Variants in GNL3L observed in about 807,000 individuals in gnomAD.
The protein encoded by GNL3L is guanine nucleotide-binding protein-like 3-like protein.
Under a neutral mutation model 42.9 loss-of-function variants are expected in GNL3L, and 4 were observed. That is an observed-to-expected ratio of 0.09 (90% CI 0.05 to 0.21). The LOEUF (loss-of-function observed/expected upper bound fraction) is 0.21, where lower values mean the gene tolerates loss of function less well. Among genes scored for constraint, GNL3L ranks in the 10% least tolerant of loss-of-function variants. The pLI, the probability that GNL3L is intolerant of heterozygous loss-of-function variation, is 1.00. For missense variants in GNL3L, 412 were observed against 481.7 expected, an observed-to-expected ratio of 0.86 and a Z score of 1.36; for synonymous variants, 159 against 176.3, an observed-to-expected ratio of 0.90 and a Z score of 0.78.
chrX:54,548,140 C>G, intron 8 of GNL3L, 89 bp from the exon 9 acceptor site: 2 of 667,484 alleles, frequency 3.0e-6, no homozygotes, highest in Non-Finnish European at 4.7e-6. Flanking sequence ...GCTCAGTGAT[C>G]ATAGGGAGGC....
At position 54,607,064 on chromosome X, in the gene GNL3L, CTTTCTTTCTCTTTCTTTCTTCT is replaced by C. The variant is rs1569542611; in HGVS notation, c.*46-13778_*46-13757del. Among the ~76,000 whole-genome samples the C allele has an allele frequency of 8.3e-4, 35 of 42,086 alleles. 1 individual carries two copies. The highest frequency in any genetic ancestry group is 1.6e-3 in the African/African-American group (13 of 7,903). 36.5% of individuals were successfully genotyped at this position (42,086 alleles called of 115,157 possible). A position where few individuals can be genotyped will look rare whatever the true frequency, so the allele number is the denominator to read the frequency against. On this transcript the variant is annotated intron_variant, in intron 16 of 16. Coordinates refer to the GNL3L transcript ENST00000674498. ...TCTTTCTTTCTTTCTTTCTTTCTTT[CTTTCTTTCTCTTTCTTTCTTCT>C]TTCTTTCTTTCTTTCTTTCTTTCTT... is the stretch of plus-strand genomic sequence containing the variant.
chrX:54,640,873 G>T, the GNL3L span, among the ~76,000 whole-genome samples: 19 of 111,767 alleles, frequency 1.7e-4, no homozygotes, highest in African/African-American at 4.9e-4. Context: ...GACCTTTGGG[G>T]CAAGGCAAAC....
chrX:54,541,450 G>C, intron 5 of GNL3L, 61 bp downstream of exon 5: 1 of 665,139 alleles, frequency 1.5e-6, no homozygotes, highest in Non-Finnish European at 2.4e-6. Flanking sequence ...CCGTTTTTCT[G>C]TGAAAGGGAA....
intron 9 of GNL3L, among the ~76,000 whole-genome samples, chrX:54,550,606 C>G (rs1364023560): frequency 9.0e-6 from 1 of 111,627 alleles, no homozygotes; most frequent in Middle Eastern, 4.6e-3. Flanking sequence ...TGGAATGATA[C>G]ACCCAGACAG....
rs145263040 is a variant in GNL3L at position 54,542,977 on chromosome X, A to C, written c.329A>C (p.Asn110Thr). ...EHKEEVLQEL[N>T]MFPQLDDEAT... Reference sequence around the variant, plus strand: ...TAGGAGGAAGTTTTGCAGGAATTAAATATGTTTCCTCAGCTGGATGACGAG... The same window carrying C: ...TAGGAGGAAGTTTTGCAGGAATTAACTATGTTTCCTCAGCTGGATGACGAG... The change falls in exon 6 of 16, where the codon AAT becomes ACT. Residue 110 changes from asparagine to threonine, a missense_variant. By Grantham distance (65) the Asn-to-Thr change is moderately conservative. Transcript: ENST00000360845. 4 of 1,188,738 alleles carry C rather than the reference A, an allele frequency of 3.4e-6. No homozygotes were observed. In the African/African-American group the frequency reaches 7.1e-5, roughly 21 times the overall value.
At chrX:54,543,440 C>A in intron 7 of GNL3L, 98 bp downstream of exon 7, 1 of 856,973 alleles carries the variant, frequency 1.2e-6, no homozygotes, top group Non-Finnish European at 1.7e-6. Flanking sequence ...CTCAGTGATA[C>A]TCATAATAGT....
chrX:54,640,493 C>T, the GNL3L span, among the ~76,000 whole-genome samples: 2 of 112,264 alleles, frequency 1.8e-5, no homozygotes, highest in South Asian at 7.5e-4. Flanking sequence ...CGTCATCTCT[C>T]AGCAATGGTT....
At chrX:54,578,250 T>G (rs1925662303) in intron 16 of GNL3L, among the ~76,000 whole-genome samples, 1 of 112,241 alleles carries the variant, frequency 8.9e-6, no homozygotes, top group African/African-American at 3.2e-5. Context: ...CTGGAAAAAC[T>G]TCCTTTTACA....
At chrX:54,618,996 A>C (rs1485339181) in intron 16 of GNL3L, among the ~76,000 whole-genome samples, 1 of 111,760 alleles carries the variant, frequency 8.9e-6, no homozygotes. Flanking sequence ...CACTTGCCAG[A>C]TTTGCTAAAA....
rs1925336241 is a variant in GNL3L, at chrX:54,563,675, A to G, written c.*3073A>G. On this transcript the variant is annotated 3_prime_UTR_variant, in exon 16 of 16. Coordinates refer to ENST00000360845, the MANE Select transcript of GNL3L (RefSeq NM_001184819.2). ...GTGTCTCATGCCTGTAGTCCCAGCTACCTATGGGGCTGAGGCAGGAGGATC... is the reference window on the plus strand; with the variant it reads ...GTGTCTCATGCCTGTAGTCCCAGCTGCCTATGGGGCTGAGGCAGGAGGATC... Among the ~76,000 whole-genome samples, 1 of 106,444 alleles carries G rather than the reference A, an allele frequency of 9.4e-6. No individual in the cohort carries two copies. The highest frequency in any genetic ancestry group is 3.7e-5 in the African/African-American group (1 of 26,707). 92.4% of individuals were successfully genotyped at this position (106,444 alleles called of 115,157 possible).
At chrX:54,574,217 TAGG>T (rs1408203292) in intron 16 of GNL3L, among the ~76,000 whole-genome samples, 2 of 111,764 alleles carry the variant, frequency 1.8e-5, no homozygotes, top group Admixed American at 9.6e-5. Context: ...TTTCCAACCT[TAGG>T]AGGAAAATAC....
At chrX:54,627,391 T>G in the GNL3L span, among the ~76,000 whole-genome samples, 50 of 111,478 alleles carry the variant, frequency 4.5e-4, no homozygotes, top group African/African-American at 1.6e-3. Flanking sequence ...TTGGGTCTTC[T>G]CTCTTTTTTT....
chrX:54,633,964 A>G, the GNL3L span, among the ~76,000 whole-genome samples: 1 of 112,781 alleles, frequency 8.9e-6, no homozygotes, highest in Non-Finnish European at 1.9e-5. Context: ...TTTGGCCTTC[A>G]TGATTTCTGG....
chrX:54,642,464 CCT>C, the GNL3L span, among the ~76,000 whole-genome samples: 1 of 111,527 alleles, frequency 9.0e-6, no homozygotes, highest in East Asian at 2.8e-4. Context: ...GCTACATTGG[CCT>C]CTGTTTCCAG....
chrX:54,573,487 G>A (rs911386764), intron 16 of GNL3L, among the ~76,000 whole-genome samples: 1 of 99,750 alleles, frequency 1.0e-5, no homozygotes, highest in Non-Finnish European at 1.9e-5. Flanking sequence ...GGCATGAGAG[G>A]GAGACCATGG....
At chrX:54,542,510 G>A (rs1170486239) in intron 5 of GNL3L, among the ~76,000 whole-genome samples, 1 of 110,977 alleles carries the variant, frequency 9.0e-6, no homozygotes, top group Non-Finnish European at 1.9e-5. Flanking sequence ...TTGGACATTT[G>A]GGTTGGTTCC....
At chrX:54,548,523 G>T (rs1038195588) in intron 9 of GNL3L, 150 bp downstream of exon 9, 82 of 479,656 alleles carry the variant, frequency 1.7e-4, no homozygotes, top group Non-Finnish European at 2.7e-4. Flanking sequence ...TTGGATGGGT[G>T]GGCATCACTG....
chrX:54,587,051 G>T (rs1925792537), intron 16 of GNL3L, among the ~76,000 whole-genome samples: 1 of 111,678 alleles, frequency 9.0e-6, no homozygotes, highest in African/African-American at 3.3e-5. Context: ...TATCACCCAT[G>T]CCATGAACAC....
At chrX:54,631,619 A>G in the GNL3L span, among the ~76,000 whole-genome samples, 1 of 111,527 alleles carries the variant, frequency 9.0e-6, no homozygotes, top group Non-Finnish European at 1.9e-5. Context: ...TGCATGGAAT[A>G]TCTTTTTCCA....
Sources: allele counts gnomAD v4.1 joint callset (sites outside exome capture counted in the v4.1 genomes callset), GRCh38; gene constraint gnomAD v4.1.1; transcripts MANE v1.5; gene names NCBI Gene and HGNC (gene_info 2026-07-23, HGNC 2026-07-21).